The following NSFL1C variants were observed in gnomAD, a reference collection of about 807,000 sequenced individuals.
NSFL1C encodes the protein NSFL1 cofactor p47.
A neutral mutation model predicts 43.1 loss-of-function variants in NSFL1C; 14 were observed. The observed-to-expected ratio is 0.32, with a 90% CI of 0.21 to 0.51. The LOEUF (loss-of-function observed/expected upper bound fraction) is 0.51, where lower values mean the gene tolerates loss of function less well. NSFL1C is among the 20% of genes least tolerant of loss of function. NSFL1C has a pLI of 0.98. For missense variants in NSFL1C, 406 were observed against 472.5 expected (o/e 0.86, Z 1.30); for synonymous variants, 171 against 183.5 (o/e 0.93, Z 0.55).
At chr20:1,452,668 A>G (rs1185481576) in intron 6 of NSFL1C, 38 bp from the exon 7 acceptor site, 9 of 1,611,146 alleles carry the variant, frequency 5.6e-6, no homozygotes, top group Non-Finnish European at 6.8e-6. Context: ...CCACAGAGAG[A>G]AGATGGAAAT....
At chr20:1,466,204 T>C (rs1418868456) in intron 1 of NSFL1C, among the ~76,000 whole-genome samples, 4 of 152,222 alleles carry the variant, frequency 2.6e-5, no homozygotes, top group Non-Finnish European at 4.4e-5. Context: ...ACTCCCATTT[T>C]ACAGATAAGT....
rs144980234 is a variant in NSFL1C, at chr20:1,443,828, T to A, written c.1034A>T (p.Asn345Ile). 6.2e-7 allele frequency: 1 copy of A among 1,614,104 alleles called. No homozygotes were observed. The highest frequency in any genetic ancestry group is 2.2e-5 in the East Asian group (1 of 44,876). The change falls in exon 9 of 9, where the codon AAC (asparagine) becomes ATC (isoleucine). Residue 345 changes from asparagine (N) to isoleucine (I), a missense_variant. Asn to Ile is a moderately radical substitution (Grantham distance 149, BLOSUM62 -3). This residue lies in a region of NSFL1C where 196 missense variants were observed against 228.0 expected (regional missense o/e 0.86). Coordinates refer to ENST00000216879, the MANE Select transcript of NSFL1C (RefSeq NM_016143.5). ...CTGGCTCTCATCAGCCAGCTCTTTGTTCGGGAAAGTAGTCATGAGGATAAA... is the reference window on the plus strand; with the variant it reads ...CTGGCTCTCATCAGCCAGCTCTTTGATCGGGAAAGTAGTCATGAGGATAAA... ...TSFILMTTFP[N>I]KELADESQTL... is the part of the protein sequence containing the mutation.
chr20:1,445,911 G>A, intron 7 of NSFL1C, 81 bp from the exon 8 acceptor site: 1 of 1,448,906 alleles, frequency 6.9e-7, no homozygotes, highest in Non-Finnish European at 9.5e-7. Context: ...GACTGTTACT[G>A]AGCATTTGCA....
rs144389443 is a variant in NSFL1C at position 1,458,275 on chromosome 20, C to A, written c.204-1G>T. On this transcript the variant is annotated splice_acceptor_variant, in intron 2 of 8. Transcript: ENST00000216879. LOFTEE classifies it high-confidence loss of function. ...TCTGAAGGATGTCACTCTATTATCA[C>A]TGGAGACACAGAAAGGAGCAAAATG... is the stretch of plus-strand genomic sequence containing the variant. 1.9e-6 allele frequency: 3 copies of A among 1,613,040 alleles called. No homozygotes were observed. Among genetic ancestry groups the A allele is most frequent in the African/African-American group, 2.7e-5 (2 of 74,866 alleles).
At position 1,466,810 on chromosome 20, in the gene NSFL1C, T is replaced by G. The variant is rs747629679; in HGVS notation, c.15A>C (p.Arg5=). MAAE[R]QEALREFVAV... ...CCACGAACTCCCTCAGCGCCTCCTGTCGCTCCGCCGCCATCTTCGCCCCGT... is the reference window on the plus strand; with the variant it reads ...CCACGAACTCCCTCAGCGCCTCCTGGCGCTCCGCCGCCATCTTCGCCCCGT... The change falls in exon 1 of 9, where the codon CGA becomes CGC. Residue 5 remains arginine (R), a synonymous_variant. Coordinates refer to ENST00000216879, the MANE Select transcript of NSFL1C (RefSeq NM_016143.5). 1 of 1,546,238 alleles carries G rather than the reference T, an allele frequency of 6.5e-7. No homozygotes were observed. The highest frequency in any genetic ancestry group is 1.4e-5 in the African/African-American group (1 of 70,780).
Position 1,443,899 on chromosome 20 carries a change from G to A in NSFL1C, c.963C>T (p.Ile321=), listed in dbSNP as rs748616145. The change falls in exon 9 of 9, where the codon ATC becomes ATT. Residue 321 remains isoleucine (I), a synonymous_variant. Transcript: ENST00000216879. The part of the protein sequence containing the change: ...KFNHSHRISD[I]RLFIVDARPA... ...GCCGGGCATCCACGATGAAGAGTCG[G>A]ATGTCGCTGATCCTGCAGGAGTTGG... The A allele has an allele frequency of 6.2e-7, 1 of 1,611,262 alleles. No individual in the cohort carries two copies. The highest frequency in any genetic ancestry group is 8.5e-7 in the Non-Finnish European group (1 of 1,179,640).
rs1421015658 is a variant in NSFL1C, at chr20:1,442,422, C to T, written c.*1327G>A. 1 of 152,212 alleles carries T rather than the reference C, an allele frequency of 6.6e-6. No individual in the cohort carries two copies. The allele number at this position is 152,212 out of a possible 1,614,324, so 9.4% of individuals were successfully genotyped here. On this transcript the variant is annotated 3_prime_UTR_variant, in exon 9 of 9. Coordinates refer to ENST00000216879, the MANE Select transcript of NSFL1C (RefSeq NM_016143.5). ...TGTAGTGTTGGTTCTTGGCTCATTGCAGGGGTGAAGCAGGAAAGAGAAAGA... is the reference window on the plus strand; with the variant it reads ...TGTAGTGTTGGTTCTTGGCTCATTGTAGGGGTGAAGCAGGAAAGAGAAAGA...
At chr20:1,454,113 T>C in intron 5 of NSFL1C, 100 bp downstream of exon 5, 1 of 904,984 alleles carries the variant, frequency 1.1e-6, no homozygotes, top group East Asian at 2.4e-5. Context: ...TAGTTTCCCT[T>C]TCAGAGGCTG....
intron 2 of NSFL1C, chr20:1,464,110 T>C (rs1299653976): frequency 6.4e-6 from 3 of 471,572 alleles, no homozygotes; most frequent in South Asian, 4.4e-5. Flanking sequence ...AGGTTTGTGG[T>C]TTCCCCCAGG....
Position 1,453,042 on chromosome 20 carries a change from A to G in NSFL1C, c.636T>C (p.Ser212=), listed in dbSNP as rs1368981645. Residue 212 remains serine, a synonymous_variant, in exon 6 of 9, where the codon TCT becomes TCC. Transcript: ENST00000216879. ...QDPSNAQFLE[S]IRRGEVPAEL... ...GCTTTTTCACTCACCCTCTGCGGAT[A>G]GACTCCAGAAACTGGGCATTGGATG... 2 of 1,604,470 alleles carry G rather than the reference A, an allele frequency of 1.2e-6. No homozygotes were observed. The highest frequency in any genetic ancestry group is 1.7e-6 in the Non-Finnish European group (2 of 1,171,206).
At position 1,444,042 on chromosome 20, in the gene NSFL1C, C is replaced by A. The variant is rs1390425417; in HGVS notation, c.951-131G>T. The A allele has an allele frequency of 7.4e-6, 7 of 939,852 alleles. No homozygotes were observed. The Admixed American group carries it at 1.8e-4, about 24-fold the overall frequency. 58.2% of individuals were successfully genotyped at this position (939,852 alleles called of 1,614,324 possible). On this transcript the variant is annotated intron_variant, in intron 8 of 8. Coordinates refer to ENST00000216879, the MANE Select transcript of NSFL1C (RefSeq NM_016143.5). ...CAGAACAGCGAAAGCTACGCTCAGGCATGTGGGACCAAGTCCCTTCCTTGC... is the reference window on the plus strand; with the variant it reads ...CAGAACAGCGAAAGCTACGCTCAGGAATGTGGGACCAAGTCCCTTCCTTGC...
intron 3 of NSFL1C, chr20:1,456,016 T>G: frequency 2.3e-6 from 1 of 443,582 alleles, no homozygotes. Context: ...CCAGTTGTCA[T>G]GCAGCCTGGC....
At chr20:1,447,469 A>G (rs1402334743) in intron 7 of NSFL1C, among the ~76,000 whole-genome samples, 1 of 148,754 alleles carries the variant, frequency 6.7e-6, no homozygotes, top group Non-Finnish European at 1.5e-5. Flanking sequence ...CTCATCAGCT[A>G]TCATTAGTAT....
At chr20:1,451,631 C>T (rs1046814705) in intron 7 of NSFL1C, among the ~76,000 whole-genome samples, 6 of 152,194 alleles carry the variant, frequency 3.9e-5, no homozygotes, top group African/African-American at 1.4e-4. Flanking sequence ...GTGCACAGTT[C>T]CCTCTGAAGA....
In NSFL1C at chr20:1,466,512, G is replaced by A. The variant is rs530662605; in HGVS notation, c.105+208C>T. Among the ~76,000 whole-genome samples, 9 of 152,338 alleles carry A rather than the reference G, an allele frequency of 5.9e-5. No homozygotes were observed. The South Asian group carries it at 1.9e-3, about 32-fold the overall frequency. ...GGGCGAGGCAGGGTGAAACTGGCAC[G>A]GCAGAACTGGCTGGGGCTGGCCCGC... is the stretch of plus-strand genomic sequence containing the variant. On this transcript the variant is annotated intron_variant, in intron 1 of 8. Transcript: ENST00000216879.
chr20:1,451,193 G>GT (rs2090173956), intron 7 of NSFL1C, among the ~76,000 whole-genome samples: 2 of 152,226 alleles, frequency 1.3e-5, no homozygotes, highest in South Asian at 4.1e-4. Context: ...CCTTGATGCA[G>GT]TAGATGAAAT....
At chr20:1,444,118 C>T (rs1251296929) in intron 8 of NSFL1C, among the ~76,000 whole-genome samples, 2 of 152,216 alleles carry the variant, frequency 1.3e-5, no homozygotes, top group African/African-American at 2.4e-5. Context: ...ACACCAACAA[C>T]CCTACTGTGT....
chr20:1,452,793 T>C (rs1353112883), intron 6 of NSFL1C, among the ~76,000 whole-genome samples, 163 bp from the exon 7 acceptor site: 2 of 152,176 alleles, frequency 1.3e-5, no homozygotes, highest in Non-Finnish European at 2.9e-5. Flanking sequence ...ACCTTTTCTC[T>C]TGTTTGTTCA....
intron 4 of NSFL1C, 110 bp downstream of exon 4, chr20:1,454,857 T>A: frequency 8.7e-7 from 1 of 1,149,540 alleles, no homozygotes; most frequent in South Asian, 1.5e-5. Context: ...GAAGACCAAG[T>A]AAGCAAATGA....
Sources: allele counts gnomAD v4.1 joint callset (sites outside exome capture counted in the v4.1 genomes callset), GRCh38; gene constraint gnomAD v4.1.1; regional missense constraint gnomAD v4.1.1; transcripts MANE v1.5; gene names NCBI Gene and HGNC (gene_info 2026-07-23, HGNC 2026-07-21).